The following ZNF888 variants were observed in gnomAD, a reference collection of about 807,000 sequenced individuals.
ZNF888 encodes CTD-2331H12.6.
ZNF888 carries 5 observed loss-of-function variants against 7.2 expected under a neutral mutation model. The ratio of observed to expected loss-of-function variants is 0.70; its 90% CI spans 0.36 to 1.46. ZNF888 has a LOEUF of 1.46. Among genes scored for constraint, ZNF888 ranks in the 40% most tolerant of loss-of-function variants. The pLI, the probability that ZNF888 is intolerant of heterozygous loss-of-function variation, is 0.03. For synonymous variants in ZNF888, 240 were observed against 284.3 expected (o/e 0.84, Z 1.57); for missense variants, 716 against 858.0 (o/e 0.83, Z 2.07).
chr19:52,910,377 G>A (rs546121439), intron 4 of ZNF888, among the ~76,000 whole-genome samples: 1 of 152,218 alleles, frequency 6.6e-6, no homozygotes, highest in Non-Finnish European at 1.5e-5. Flanking sequence ...GGAGGCTGAA[G>A]CAGGAATCAT....
At position 52,906,671 on chromosome 19, in the gene ZNF888, T is replaced by A; in HGVS notation, c.1651A>T (p.Lys551Ter). The change falls in exon 5 of 5, where the codon AAG (lysine) becomes TAG (stop). Residue 551 changes from lysine to a stop codon, truncating the protein, a stop_gained. Transcript: ENST00000638862. LOFTEE classifies it low-confidence loss of function (END_TRUNC). The stretch of plus-strand genomic sequence containing the variant: ...AAACTTTTGCCACATTCATTACACT[T>A]GTAACGTTTCTCTCCAGTATGAATG... ...KVIHTGEKRY[K>*]CNECGKSFNH... is the part of the protein sequence containing the mutation. 1 of 1,613,860 alleles carries A rather than the reference T, an allele frequency of 6.2e-7. No individual in the cohort carries two copies. The highest frequency in any genetic ancestry group is 1.1e-5 in the South Asian group (1 of 91,068).
intron 1 of ZNF888, chr19:52,921,671 T>C (rs2064823755): frequency 6.1e-6 from 6 of 984,858 alleles, no homozygotes; most frequent in Non-Finnish European, 4.8e-6. Context: ...CACACAGCTA[T>C]TGACCTTGAA....
chr19:52,914,828 G>A (rs1465773878), intron 4 of ZNF888, among the ~76,000 whole-genome samples: 2 of 152,040 alleles, frequency 1.3e-5, no homozygotes, highest in Non-Finnish European at 2.9e-5. Context: ...CACCATCCCT[G>A]GCTAATTTTT....
chr19:52,915,777 A>G (rs1213115094), intron 3 of ZNF888, among the ~76,000 whole-genome samples: 1 of 88,880 alleles, frequency 1.1e-5, no homozygotes, highest in Non-Finnish European at 2.5e-5. Flanking sequence ...ACCCGGCCTC[A>G]CATGACGTCT....
chr19:52,922,915 G>T (rs972263553), intron 1 of ZNF888, among the ~76,000 whole-genome samples: 15 of 34,772 alleles, frequency 4.3e-4, no homozygotes, highest in Non-Finnish European at 1.0e-3. Context: ...GGAGGGAGGT[G>T]GGGGGGAGAT....
At position 52,915,325 on chromosome 19, in the gene ZNF888, G is replaced by C; in HGVS notation, c.16-3C>G. 1 of 1,613,590 alleles carries C rather than the reference G, an allele frequency of 6.2e-7. No homozygotes were observed. Among genetic ancestry groups the C allele is most frequent in the Non-Finnish European group, 8.5e-7 (1 of 1,179,996 alleles). Reference sequence around the variant, plus strand: ...ACATCCCTGAATGTCAATAGACCCTGAAATGAAAACACATTTTAACCAAAT... The same window carrying C: ...ACATCCCTGAATGTCAATAGACCCTCAAATGAAAACACATTTTAACCAAAT... On this transcript the variant is annotated splice_region_variant and splice_polypyrimidine_tract_variant and intron_variant, in intron 3 of 4. Transcript: ENST00000638862.
chr19:52,920,329 A>C (rs1472178390), intron 1 of ZNF888, among the ~76,000 whole-genome samples: 1 of 62,320 alleles, frequency 1.6e-5, no homozygotes, highest in Non-Finnish European at 3.7e-5. Context: ...GAGACTTTTC[A>C]TTTTGTTCTG....
intron 4 of ZNF888, among the ~76,000 whole-genome samples, chr19:52,910,807 T>G (rs543402508): frequency 6.6e-6 from 1 of 152,296 alleles, no homozygotes; most frequent in African/African-American, 2.4e-5. Context: ...GTAAGCTATT[T>G]CCTCTTTTGT....
chr19:52,911,799 CATATT>C (rs2064682708), intron 4 of ZNF888, among the ~76,000 whole-genome samples: 1 of 123,804 alleles, frequency 8.1e-6, no homozygotes, highest in African/African-American at 2.7e-5. Context: ...ATAGCAGTAA[CATATT>C]TTATTTTATT....
chr19:52,907,710 T>C lies in ZNF888; in HGVS notation c.612A>G (p.Lys204=). 6.2e-7 allele frequency: 1 copy of C among 1,612,760 alleles called. No homozygotes were observed. The highest frequency in any genetic ancestry group is 1.1e-5 in the South Asian group (1 of 90,916). The change falls in exon 5 of 5, where the codon AAA becomes AAG. Residue 204 remains lysine, a synonymous_variant. Coordinates refer to ENST00000638862, the MANE Select transcript of ZNF888 (RefSeq NM_001393938.1). The part of the protein sequence containing the change: ...NFFHSSLLTQ[K]QDVHRKEKSF... ...ATTTTTCTTTCCTGTGTACATCCTG[T>C]TTCTGTGTGAGTAATGAAGAATGGA...
At chr19:52,921,280 A>G (rs1234044710) in intron 1 of ZNF888, among the ~76,000 whole-genome samples, 1 of 152,248 alleles carries the variant, frequency 6.6e-6, no homozygotes, top group African/African-American at 2.4e-5. Context: ...CCCTGGACAC[A>G]GGGCTGTGGA....
At chr19:52,916,627 T>TATATATATATATACAC (rs1568747413) in intron 3 of ZNF888, among the ~76,000 whole-genome samples, 59 of 142,138 alleles carry the variant, frequency 4.2e-4, no homozygotes, top group African/African-American at 1.6e-3. Flanking sequence ...TATATATATA[T>TATATATATATATACAC]ATATATATAT....
chr19:52,916,720 C>A (rs1362603807), intron 3 of ZNF888, among the ~76,000 whole-genome samples: 1 of 151,080 alleles, frequency 6.6e-6, no homozygotes, highest in Non-Finnish European at 1.5e-5. Flanking sequence ...GACACATTGA[C>A]AACTGGGGGC....
chr19:52,916,615 C>CATATATATATATAT, intron 3 of ZNF888, among the ~76,000 whole-genome samples: 1 of 131,444 alleles, frequency 7.6e-6, no homozygotes, highest in African/African-American at 3.1e-5. Flanking sequence ...TATACATATA[C>CATATATATATATAT]ATATATATAT....
At chr19:52,915,417 T>G in intron 3 of ZNF888, 95 bp from the exon 4 acceptor site, 8 of 1,610,868 alleles carry the variant, frequency 5.0e-6, no homozygotes, top group Non-Finnish European at 6.8e-6. Flanking sequence ...TGGATTTAAT[T>G]GTAGTGAATG....
intron 3 of ZNF888, among the ~76,000 whole-genome samples, chr19:52,916,615 C>CATATACATATACATAT (rs374760326): frequency 7.2e-4 from 94 of 131,444 alleles, no homozygotes; most frequent in Middle Eastern, 3.8e-3. Flanking sequence ...TATACATATA[C>CATATACATATACATAT]ATATATATAT....
chr19:52,906,514 T>C lies in ZNF888; in HGVS notation c.1808A>G (p.Glu603Gly), dbSNP rs2064609708. 4 of 1,613,790 alleles carry C rather than the reference T, an allele frequency of 2.5e-6. No homozygotes were observed. The highest frequency in any genetic ancestry group is 3.4e-6 in the Non-Finnish European group (4 of 1,179,806). Residue 603 changes from glutamate to glycine, a missense_variant, in exon 5 of 5, where the codon GAG (glutamate) becomes GGG (glycine). Physicochemically the swap from Glu to Gly is moderately conservative, Grantham distance 98. This residue lies in a region of ZNF888 where 697 missense variants were observed against 803.4 expected (regional missense o/e 0.87). Coordinates refer to ENST00000638862, the MANE Select transcript of ZNF888 (RefSeq NM_001393938.1). ...ACATTCTTCACATTTGTAAGGTTTC[T>C]CTCCAGTATGAAGTCTATGATGACA... Reference protein sequence around the residue: ...LACHHRLHTGEKPYKCEECDK... With the variant: ...LACHHRLHTGGKPYKCEECDK...
Position 52,906,495 on chromosome 19 carries a change from T to A in ZNF888, c.1827A>T (p.Glu609Asp), listed in dbSNP as rs921848194. 5.6e-6 allele frequency: 9 copies of A among 1,613,274 alleles called. No homozygotes were observed. The Admixed American group carries it at 1.3e-4, about 24-fold the overall frequency. Reference protein sequence around the residue: ...LHTGEKPYKCEECDKVFNIKS... With the variant: ...LHTGEKPYKCDECDKVFNIKS... ...TGATATTGAAAACTTTGTCACATTCTTCACATTTGTAAGGTTTCTCTCCAG... is the reference window on the plus strand; with the variant it reads ...TGATATTGAAAACTTTGTCACATTCATCACATTTGTAAGGTTTCTCTCCAG... Residue 609 changes from glutamate to aspartate, a missense_variant, in exon 5 of 5, where the codon GAA becomes GAT. Physicochemically the swap from Glu to Asp is conservative, Grantham distance 45. Around this residue, in one of 2 missense-constraint regions of ZNF888, gnomAD observed 697 missense variants for 803.4 expected, o/e 0.87. Coordinates refer to ENST00000638862, the MANE Select transcript of ZNF888 (RefSeq NM_001393938.1).
chr19:52,922,689 C>T (rs2064835544), intron 1 of ZNF888, among the ~76,000 whole-genome samples: 1 of 152,280 alleles, frequency 6.6e-6, no homozygotes, highest in South Asian at 2.1e-4. Flanking sequence ...CTCTGATTCC[C>T]TCTCTCTGTC....
Sources: gnomAD v4.1 joint callset for allele counts (sites outside exome capture counted in the v4.1 genomes callset) on GRCh38, gnomAD v4.1.1 for gene constraint, gnomAD v4.1.1 regional missense constraint, MANE v1.5 for transcripts, NCBI Gene and HGNC (gene_info 2026-07-23, HGNC 2026-07-21) for gene names.